The following RAB25 variants were observed in gnomAD, a reference collection of about 807,000 sequenced individuals.
RAB25 encodes the protein RAB25, member RAS oncogene family.
Under a neutral mutation model 25.2 loss-of-function variants are expected in RAB25, and 23 were observed. That is an observed-to-expected ratio of 0.91 (90% CI 0.66 to 1.29). RAB25 has a LOEUF of 1.29. RAB25 is among the 50% of genes most tolerant of loss of function. The probability of loss-of-function intolerance (pLI) is 0.00; values close to 1 mark genes in which losing one functional copy is unlikely to be tolerated. For synonymous variants in RAB25, 102 were observed against 111.5 expected (o/e 0.91, Z 0.54); for missense variants, 244 against 277.3 (o/e 0.88, Z 0.85).
chr1:156,068,445 G>A lies in RAB25; in HGVS notation c.415G>A (p.Glu139Lys), dbSNP rs766852145. 2.3e-5 allele frequency: 37 copies of A among 1,613,444 alleles called. No individual in the cohort carries two copies. Among genetic ancestry groups the A allele is most frequent in the Non-Finnish European group, 3.1e-5 (37 of 1,179,912 alleles). ...LSQAREVPTEEARMFAENNGL... is the reference protein window; with the variant it reads ...LSQAREVPTEKARMFAENNGL... Reference sequence around the variant, plus strand: ...CCAGGCCCGGGAAGTGCCCACTGAGGAGGCCCGAATGTTCGCTGGTGAGAG... The same window carrying A: ...CCAGGCCCGGGAAGTGCCCACTGAGAAGGCCCGAATGTTCGCTGGTGAGAG... The change falls in exon 3 of 5, where the codon GAG (glutamate) becomes AAG (lysine). Residue 139 changes from glutamate to lysine, a missense_variant. Physicochemically the swap from Glu to Lys is moderately conservative, Grantham distance 56. Coordinates refer to ENST00000361084, the MANE Select transcript of RAB25 (RefSeq NM_020387.4).
chr1:156,069,559 C>A, intron 3 of RAB25, 112 bp from the exon 4 acceptor site: 1 of 823,772 alleles, frequency 1.2e-6, no homozygotes, highest in Non-Finnish European at 2.0e-6. Context: ...ATTAAATGAT[C>A]TGCTACATGC....
chr1:156,066,293 A>G, intron 2 of RAB25, 187 bp downstream of exon 2: 1 of 476,648 alleles, frequency 2.1e-6, no homozygotes, highest in South Asian at 4.9e-5. Context: ...ATATAGTAAC[A>G]CTGACTAGTA....
chr1:156,064,548 G>A (rs1315794094), intron 1 of RAB25, among the ~76,000 whole-genome samples: 1 of 151,894 alleles, frequency 6.6e-6, no homozygotes, highest in Non-Finnish European at 1.5e-5. Context: ...CCAAGTAGCT[G>A]AGACTACAGA....
chr1:156,067,915 G>C (rs1469268704), intron 2 of RAB25, among the ~76,000 whole-genome samples: 2 of 152,180 alleles, frequency 1.3e-5, no homozygotes, highest in Admixed American at 1.3e-4. Context: ...ATCATGCCCG[G>C]CTAATTTTTG....
Position 156,070,096 on chromosome 1 carries a change from G to T in RAB25, c.515-64G>T, listed in dbSNP as rs940418176. 11 of 1,613,042 alleles carry T rather than the reference G, an allele frequency of 6.8e-6. No homozygotes were observed. In the Admixed American group the frequency reaches 1.5e-4, roughly 22 times the overall value. On this transcript the variant is annotated intron_variant, in intron 4 of 4. Coordinates refer to ENST00000361084, the MANE Select transcript of RAB25 (RefSeq NM_020387.4). ...AGGGGCATGCAGTATGTATGGGGGG[G>T]TTGGGGAGAAGGGAGCATGGGCTCT...
chr1:156,063,733 A>C (rs1429720520), intron 1 of RAB25, among the ~76,000 whole-genome samples: 2 of 152,232 alleles, frequency 1.3e-5, no homozygotes, highest in African/African-American at 4.8e-5. Context: ...CCTTCCTTGA[A>C]GGCTGATCTG....
intron 3 of RAB25, among the ~76,000 whole-genome samples, chr1:156,068,838 G>A (rs765383622): frequency 3.3e-5 from 5 of 151,676 alleles, no homozygotes; most frequent in Non-Finnish European, 5.9e-5. Flanking sequence ...ACAGGTGTGC[G>A]CCACCATGCC....
intron 2 of RAB25, 121 bp from the exon 3 acceptor site, chr1:156,068,149 T>C: frequency 2.2e-6 from 2 of 903,672 alleles, no homozygotes; most frequent in Non-Finnish European, 3.4e-6. Context: ...TGGCCGCAAG[T>C]TTCTGTATTT....
In RAB25 at chr1:156,069,763, C is replaced by G. The variant is rs1479951837; in HGVS notation, c.514+12C>G. On this transcript the variant is annotated intron_variant, in intron 4 of 4. Coordinates refer to ENST00000361084, the MANE Select transcript of RAB25 (RefSeq NM_020387.4). ...GACTGTCCTGAAAGGTTAGAGCCTA[C>G]CTTTATTCTGCACCCCTATTCCATC... 67 of 1,597,834 alleles carry G rather than the reference C, an allele frequency of 4.2e-5. No homozygotes were observed. The highest frequency in any genetic ancestry group is 5.7e-5 in the Non-Finnish European group (66 of 1,165,336).
At chr1:156,067,383 G>A (rs1055835669) in intron 2 of RAB25, among the ~76,000 whole-genome samples, 3 of 152,212 alleles carry the variant, frequency 2.0e-5, no homozygotes, top group South Asian at 2.1e-4. Flanking sequence ...CATGCTCCTC[G>A]TTACCTGATC....
chr1:156,061,280 C>A lies in RAB25; in HGVS notation c.-121C>A. On this transcript the variant is annotated 5_prime_UTR_variant, in exon 1 of 5. Transcript: ENST00000361084. Reference sequence around the variant, plus strand: ...CTCTGGCTGCAGAAGTCCCCTTACCCCCAATGAGAGGAGGGGCAGGACCAG... The same window carrying A: ...CTCTGGCTGCAGAAGTCCCCTTACCACCAATGAGAGGAGGGGCAGGACCAG... 1 of 1,038,160 alleles carries A rather than the reference C, an allele frequency of 9.6e-7. No homozygotes were observed. The highest frequency in any genetic ancestry group is 1.5e-6 in the Non-Finnish European group (1 of 672,512). 64.3% of individuals were successfully genotyped at this position (1,038,160 alleles called of 1,614,324 possible).
At chr1:156,067,878 G>C (rs1032392871) in intron 2 of RAB25, among the ~76,000 whole-genome samples, 2 of 152,176 alleles carry the variant, frequency 1.3e-5, no homozygotes, top group African/African-American at 2.4e-5. Context: ...TCAGCCTTCC[G>C]AGTAGCTGGG....
chr1:156,065,870 G>GCT, intron 1 of RAB25, 41 bp from the exon 2 acceptor site: 1 of 1,503,486 alleles, frequency 6.7e-7, no homozygotes, highest in South Asian at 1.3e-5. Context: ...GGTTGGAGCT[G>GCT]CTCTACCCCA....
At chr1:156,068,591 A>C in intron 3 of RAB25, 128 bp downstream of exon 3, 2 of 751,914 alleles carry the variant, frequency 2.7e-6, no homozygotes, top group Admixed American at 2.9e-5. Context: ...CCTCTACCCC[A>C]TCCCCTCTTC....
intron 1 of RAB25, among the ~76,000 whole-genome samples, chr1:156,062,413 C>G (rs1456517730): frequency 6.6e-6 from 1 of 152,068 alleles, no homozygotes; most frequent in Non-Finnish European, 1.5e-5. Context: ...TCCAACCCCA[C>G]CTTCATACTT....
At chr1:156,064,519 A>G (rs1647683902) in intron 1 of RAB25, among the ~76,000 whole-genome samples, 1 of 152,032 alleles carries the variant, frequency 6.6e-6, no homozygotes, top group Admixed American at 6.5e-5. Context: ...GGCTCAAGCA[A>G]TCCTCCCACC....
chr1:156,070,016 C>A, intron 4 of RAB25, 144 bp from the exon 5 acceptor site: 1 of 1,308,700 alleles, frequency 7.6e-7, no homozygotes, highest in South Asian at 1.3e-5. Flanking sequence ...TATGTCCACA[C>A]TTCATTTCCT....
At position 156,066,136 on chromosome 1, in the gene RAB25, G is replaced by A. The variant is rs545814995; in HGVS notation, c.239+30G>A. 5 of 1,504,112 alleles carry A rather than the reference G, an allele frequency of 3.3e-6. No homozygotes were observed. The East Asian group carries it at 1.2e-4, about 37-fold the overall frequency. 93.2% of individuals were successfully genotyped at this position (1,504,112 alleles called of 1,614,324 possible). On this transcript the variant is annotated intron_variant, in intron 2 of 4. Coordinates refer to ENST00000361084, the MANE Select transcript of RAB25 (RefSeq NM_020387.4). ...GCCCGGGCCTGGGGGGCTGCTGGGT[G>A]GTGGGAGTTCTGGGGAAGTCGAGGA... is the stretch of plus-strand genomic sequence containing the variant.
Position 156,061,295 on chromosome 1 carries a change from G to A in RAB25, c.-106G>A, listed in dbSNP as rs1008289848. Reference sequence around the variant, plus strand: ...TCCCCTTACCCCCAATGAGAGGAGGGGCAGGACCAGATCTTTTGAGAGCTG... The same window carrying A: ...TCCCCTTACCCCCAATGAGAGGAGGAGCAGGACCAGATCTTTTGAGAGCTG... On this transcript the variant is annotated 5_prime_UTR_variant, in exon 1 of 5. Transcript: ENST00000361084. 6.7e-6 allele frequency: 8 copies of A among 1,194,402 alleles called. No individual in the cohort carries two copies. Among genetic ancestry groups the A allele is most frequent in the Non-Finnish European group, 8.7e-6 (7 of 805,854 alleles). The allele number at this position is 1,194,402 out of a possible 1,614,324, so 74.0% of individuals were successfully genotyped here. A position where few individuals can be genotyped will look rare whatever the true frequency, so the allele number is the denominator to read the frequency against.
Sources: gnomAD v4.1 joint callset for allele counts (sites outside exome capture counted in the v4.1 genomes callset) on GRCh38, gnomAD v4.1.1 for gene constraint, MANE v1.5 for transcripts, NCBI Gene and HGNC (gene_info 2026-07-23, HGNC 2026-07-21) for gene names.